The following GLIS3 variants were observed in gnomAD, a reference collection of about 807,000 sequenced individuals.
The protein encoded by GLIS3 is zinc finger protein GLIS3.
A neutral mutation model predicts 78.6 loss-of-function variants in GLIS3; 53 were observed. The observed-to-expected ratio is 0.67, with a 90% CI of 0.54 to 0.85. The LOEUF is 0.85. Ranked by LOEUF, GLIS3 falls within the 40% of genes least tolerant of loss-of-function variation. The probability of loss-of-function intolerance (pLI) is 0.00; values close to 1 mark genes in which losing one functional copy is unlikely to be tolerated. For synonymous variants in GLIS3, 684 were observed against 509.9 expected, an observed-to-expected ratio of 1.34 and a Z score of -4.60; for missense variants, 1,703 against 1,231.1, an observed-to-expected ratio of 1.38 and a Z score of -5.74.
intron 6 of GLIS3, among the ~76,000 whole-genome samples, chr9:3,921,238 AGTTGT>A (rs1824867960): frequency 6.6e-6 from 1 of 152,162 alleles, no homozygotes; most frequent in Admixed American, 6.5e-5. Context: ...CATTTAACTA[AGTTGT>A]GTCCAGGAGA....
chr9:4,032,086 C>T (rs1261041485), intron 4 of GLIS3, among the ~76,000 whole-genome samples: 1 of 152,154 alleles, frequency 6.6e-6, no homozygotes, highest in Non-Finnish European at 1.5e-5. Flanking sequence ...AGCAGCCCTG[C>T]AGAGCAAGGG....
intron 8 of GLIS3, among the ~76,000 whole-genome samples, chr9:3,864,348 T>A (rs1349192123): frequency 1.3e-5 from 2 of 152,192 alleles, no homozygotes; most frequent in East Asian, 3.9e-4. Flanking sequence ...GAATGTCAGA[T>A]GAGAAACAAG....
chr9:4,161,979 C>T (rs913053367), intron 2 of GLIS3, among the ~76,000 whole-genome samples: 1 of 152,190 alleles, frequency 6.6e-6, no homozygotes, highest in African/African-American at 2.4e-5. Context: ...AGCCACTGCA[C>T]CCAGGCTGAG....
rs569998951 is a variant in GLIS3 at position 4,313,547 on chromosome 9, G to A, written n.265-3019C>T. ...TCTCCCCACACAAATTTGGCTGACA[G>A]GCAGTTGTCAGATTAATGGTCCTGG... On this transcript the variant is annotated intron_variant and non_coding_transcript_variant, in intron 2 of 4. Coordinates refer to the GLIS3 transcript ENST00000471664. Among the ~76,000 whole-genome samples, 7 of 152,278 alleles carry A rather than the reference G, an allele frequency of 4.6e-5. No individual in the cohort carries two copies. The East Asian group carries it at 1.4e-3, about 29-fold the overall frequency.
At chr9:4,054,480 G>A (rs1038475852) in intron 4 of GLIS3, 1 of 985,230 alleles carries the variant, frequency 1.0e-6, no homozygotes, top group African/African-American at 1.7e-5. Context: ...CTTCAGTCAG[G>A]GCCTACGGGT....
chr9:4,094,854 A>AT (rs1395980240), intron 4 of GLIS3, among the ~76,000 whole-genome samples: 1 of 152,180 alleles, frequency 6.6e-6, no homozygotes, highest in Non-Finnish European at 1.5e-5. Flanking sequence ...ATGCAAAGAT[A>AT]TTTGCTATAT....
chr9:3,951,968 C>G, intron 4 of GLIS3, among the ~76,000 whole-genome samples: 1 of 151,724 alleles, frequency 6.6e-6, no homozygotes, highest in Non-Finnish European at 1.5e-5. Context: ...TCCGGCTGAT[C>G]ACTGGCACAA....
intron 4 of GLIS3, among the ~76,000 whole-genome samples, chr9:4,049,176 T>C (rs1379396066): frequency 1.3e-5 from 2 of 152,166 alleles, no homozygotes; most frequent in African/African-American, 2.4e-5. Flanking sequence ...TAGGAACTAC[T>C]CCAGAAGTCT....
At chr9:4,354,192 A>G in the GLIS3 span, among the ~76,000 whole-genome samples, 2 of 152,122 alleles carry the variant, frequency 1.3e-5, no homozygotes, top group African/African-American at 2.4e-5. Context: ...GTGTTATGCT[A>G]AACTTGCAAA....
In GLIS3 at chr9:4,101,301, C is replaced by G. The variant is rs182564317; in HGVS notation, c.1710+16467G>C. On this transcript the variant is annotated intron_variant, in intron 4 of 10. Transcript: ENST00000381971. ...TGACTTCAATGGAAGATGTTACTCT[C>G]TGGGGTATAGCACAGCTTCCCTACA... 1.4e-4 allele frequency among the ~76,000 whole-genome samples: 22 copies of G among 152,306 alleles called. No individual in the cohort carries two copies. The East Asian group carries it at 3.9e-3, about 27-fold the overall frequency.
chr9:4,389,496 G>C, the GLIS3 span, among the ~76,000 whole-genome samples: 2 of 152,186 alleles, frequency 1.3e-5, no homozygotes, highest in African/African-American at 4.8e-5. Context: ...AAAAGCCCTT[G>C]TTGGTGAAAT....
Position 3,915,413 on chromosome 9 carries a change from G to C in GLIS3, c.1984-16578C>G, listed in dbSNP as rs538646218. Among the ~76,000 whole-genome samples, 4 of 152,192 alleles carry C rather than the reference G, an allele frequency of 2.6e-5. No homozygotes were observed. In the South Asian group the frequency reaches 8.3e-4, roughly 32 times the overall value. ...GATTCCATCTCACAAGCACTGTCCA[G>C]GATTGCATTAGTCTTGGTGGTTCTG... On this transcript the variant is annotated intron_variant, in intron 6 of 10. Transcript: ENST00000381971.
chr9:3,934,870 G>A (rs992387734), intron 5 of GLIS3, among the ~76,000 whole-genome samples: 2 of 152,166 alleles, frequency 1.3e-5, no homozygotes, highest in African/African-American at 4.8e-5. Context: ...TGCTGCAACT[G>A]TCATTTTATC....
chr9:4,125,873 T>C lies in GLIS3; in HGVS notation c.457A>G (p.Ser153Gly). The change falls in exon 3 of 11, where the codon AGC (serine) becomes GGC (glycine). Residue 153 changes from serine to glycine, a missense_variant. Ser to Gly is a moderately conservative substitution (Grantham distance 56). Transcript: ENST00000381971. The part of the protein sequence containing the change: ...KGSCNNLVVT[S>G]SPMMVQRLGL... ...AGTCGCTGAACCATCATGGGACTGCTGGTGACCACTAGATTGTTGCAGCTG... is the reference window on the plus strand; with the variant it reads ...AGTCGCTGAACCATCATGGGACTGCCGGTGACCACTAGATTGTTGCAGCTG... 6.2e-7 allele frequency: 1 copy of C among 1,614,064 alleles called. No homozygotes were observed. The highest frequency in any genetic ancestry group is 8.5e-7 in the Non-Finnish European group (1 of 1,179,950).
At chr9:4,414,287 G>A in the GLIS3 span, among the ~76,000 whole-genome samples, 514 of 152,306 alleles carry the variant, frequency 3.4e-3, 1 homozygote, top group African/African-American at 0.012. Context: ...CTGATAAATG[G>A]AAGACATGGC....
intron 2 of GLIS3, among the ~76,000 whole-genome samples, chr9:4,343,921 G>A (rs1416137600): frequency 6.6e-6 from 1 of 152,110 alleles, no homozygotes; most frequent in Non-Finnish European, 1.5e-5. Flanking sequence ...ACCTGAGAGT[G>A]GAGGGTGGGA....
At chr9:4,386,898 C>A in the GLIS3 span, among the ~76,000 whole-genome samples, 1 of 152,148 alleles carries the variant, frequency 6.6e-6, no homozygotes, top group Admixed American at 6.5e-5. Context: ...GACCGATGGT[C>A]TTTTTTCTGT....
intron 1 of GLIS3, among the ~76,000 whole-genome samples, 158 bp from the exon 2 acceptor site, chr9:4,286,681 G>A (rs968414089): frequency 3.9e-5 from 6 of 152,150 alleles, no homozygotes; most frequent in Admixed American, 2.0e-4. Flanking sequence ...ACGGCTCATT[G>A]GCAGGCACTC....
At chr9:3,975,498 A>G (rs1388823067) in intron 4 of GLIS3, among the ~76,000 whole-genome samples, 3 of 151,838 alleles carry the variant, frequency 2.0e-5, no homozygotes, top group African/African-American at 7.3e-5. Flanking sequence ...AACCTCTGGC[A>G]CTTTTCTGGA....
Sources: allele counts gnomAD v4.1 joint callset (sites outside exome capture counted in the v4.1 genomes callset), GRCh38; gene constraint gnomAD v4.1.1; transcripts MANE v1.5; gene names NCBI Gene and HGNC (gene_info 2026-07-23, HGNC 2026-07-21).